BBS7: variants seen among roughly 807,000 people sequenced by gnomAD.
BBS7 encodes the protein Bardet-Biedl syndrome 7.
In BBS7, 50 loss-of-function variants were observed where a neutral mutation model predicts 90.3. The ratio of observed to expected loss-of-function variants is 0.55; its 90% CI spans 0.44 to 0.70. The LOEUF is 0.70. BBS7 is among the 30% of genes least tolerant of loss of function. The pLI, the probability that BBS7 is intolerant of heterozygous loss-of-function variation, is 0.00. For synonymous variants in BBS7, 235 were observed against 287.4 expected (o/e 0.82, Z 1.85); for missense variants, 729 against 838.9 (o/e 0.87, Z 1.62).
At position 121,828,480 on chromosome 4, in the gene BBS7, G is replaced by A. The variant is rs767666142; in HGVS notation, c.1812C>T (p.His604=). The A allele has an allele frequency of 2.5e-6, 4 of 1,613,716 alleles. No homozygotes were observed. The Admixed American group carries it at 5.0e-5, about 20-fold the overall frequency. The change falls in exon 17 of 19, where the codon CAC becomes CAT. Residue 604 remains histidine, a synonymous_variant. Transcript: ENST00000264499. ...GCTTTGGGTGGATTAGCTTTAAAGT[G>A]TGTTTGACTGATACTTCATTTATCT... ...SYEINEVSVK[H]TLKLIHPKLE...
At chr4:121,839,207 A>G (rs1380249899) in intron 13 of BBS7, among the ~76,000 whole-genome samples, 2 of 152,180 alleles carry the variant, frequency 1.3e-5, no homozygotes, top group East Asian at 3.9e-4. Context: ...TTACTTTTAT[A>G]AATGTTTGAA....
At chr4:121,830,349 T>G (rs1444048114) in intron 15 of BBS7, among the ~76,000 whole-genome samples, 1 of 152,082 alleles carries the variant, frequency 6.6e-6, no homozygotes, top group African/African-American at 2.4e-5. Flanking sequence ...TGCAGTGAGC[T>G]GAGATTGAGA....
chr4:121,863,850 A>G (rs1038490228), intron 2 of BBS7, among the ~76,000 whole-genome samples: 1 of 152,212 alleles, frequency 6.6e-6, no homozygotes, highest in African/African-American at 2.4e-5. Flanking sequence ...TAGACAATGA[A>G]TTGTTTTGAA....
At chr4:121,837,729 T>G (rs1282629687) in intron 13 of BBS7, among the ~76,000 whole-genome samples, 2 of 152,174 alleles carry the variant, frequency 1.3e-5, no homozygotes, top group African/African-American at 2.4e-5. Flanking sequence ...ACCTTACTTT[T>G]CTTCTTTTTC....
rs147752059 is a variant in BBS7 at position 121,854,787 on chromosome 4, G to C, written c.635C>G (p.Ser212Ter). 1.9e-6 allele frequency: 3 copies of C among 1,612,574 alleles called. No individual in the cohort carries two copies. Among genetic ancestry groups the C allele is most frequent in the Non-Finnish European group, 2.5e-6 (3 of 1,179,066 alleles). ...DSGEDLLFGT[S>*]DGKLALIQIT... is the part of the protein sequence containing the mutation. ...CTGTATAAGCGCAAGTTTTCCGTCTGATGTCCCAAACAAAAGGTCTTCTCC... is the reference window on the plus strand; with the variant it reads ...CTGTATAAGCGCAAGTTTTCCGTCTCATGTCCCAAACAAAAGGTCTTCTCC... The change falls in exon 7 of 19, where the codon TCA becomes TGA. Residue 212 changes from serine to a stop codon, truncating the protein, a stop_gained. Coordinates refer to ENST00000264499, the MANE Select transcript of BBS7 (RefSeq NM_176824.3). LOFTEE classifies it high-confidence loss of function.
intron 4 of BBS7, 108 bp downstream of exon 4, chr4:121,861,396 A>G (rs1726970078): frequency 9.3e-7 from 1 of 1,071,470 alleles, no homozygotes; most frequent in African/African-American, 1.6e-5. Context: ...CCTTTAGTTA[A>G]TTTTATTTTC....
At chr4:121,843,268 G>C (rs1264707748) in intron 12 of BBS7, among the ~76,000 whole-genome samples, 2 of 152,172 alleles carry the variant, frequency 1.3e-5, no homozygotes, top group Non-Finnish European at 2.9e-5. Flanking sequence ...GAAAGATACA[G>C]TGATGTTCGT....
At chr4:121,836,140 G>A (rs1040804130) in intron 13 of BBS7, among the ~76,000 whole-genome samples, 16 of 152,234 alleles carry the variant, frequency 1.1e-4, no homozygotes, top group African/African-American at 2.9e-4. Context: ...GAATATGACT[G>A]GCCGGATATC....
chr4:121,869,002 T>C (rs1349128205), intron 1 of BBS7, among the ~76,000 whole-genome samples: 2 of 152,156 alleles, frequency 1.3e-5, no homozygotes, highest in Admixed American at 6.5e-5. Flanking sequence ...TAGCAAGTGA[T>C]GTGAAGGATG....
Position 121,845,598 on chromosome 4 carries a change from A to G in BBS7, c.1136T>C (p.Phe379Ser), listed in dbSNP as rs778142384. The G allele has an allele frequency of 6.2e-6, 10 of 1,612,680 alleles. No homozygotes were observed. In the South Asian group the frequency reaches 1.1e-4, roughly 18 times the overall value. The change falls in exon 11 of 19, where the codon TTT becomes TCT. Residue 379 changes from phenylalanine to serine, a missense_variant. By Grantham distance (155) the Phe-to-Ser change is radical (BLOSUM62 -2). Transcript: ENST00000264499. The part of the protein sequence containing the change: ...SSKAKSAVPS[F>S]GINDKFTLNK... ...TAGTGTAAATTTATCATTTATACCA[A>G]AGGAAGGTACTGCTGATTTTGCTTT...
At chr4:121,843,790 C>T (rs1725860957) in intron 12 of BBS7, 137 bp downstream of exon 12, 4 of 670,400 alleles carry the variant, frequency 6.0e-6, no homozygotes, top group Non-Finnish European at 1.0e-5. Flanking sequence ...AGAGAACCGA[C>T]ACAGATTTTG....
chr4:121,847,577 T>C lies in BBS7; in HGVS notation c.935-71A>G, dbSNP rs967548756. The C allele has an allele frequency of 1.5e-5, 16 of 1,072,620 alleles. No individual in the cohort carries two copies. In the Admixed American group the frequency reaches 2.5e-4, roughly 17 times the overall value. 66.4% of individuals were successfully genotyped at this position (1,072,620 alleles called of 1,614,324 possible). ...TTAAAAAGATAAATTATGCATTGTA[T>C]AGCAGAAACTCCAATGTACATGCCC... On this transcript the variant is annotated intron_variant, in intron 9 of 18. Transcript: ENST00000264499.
rs1578518016 is a variant in BBS7 at position 121,825,125 on chromosome 4, T to A, written c.*735A>T. ...CTCCACTGGTTACAGCATGTCTAAT[T>A]AAGATCCCCCGACTCTGTGTAAGCT... On this transcript the variant is annotated 3_prime_UTR_variant, in exon 19 of 19. Coordinates refer to ENST00000264499, the MANE Select transcript of BBS7 (RefSeq NM_176824.3). 7.4e-6 allele frequency: 1 copy of A among 134,338 alleles called. No homozygotes were observed. The highest frequency in any genetic ancestry group is 2.4e-5 in the African/African-American group (1 of 40,978). The allele number at this position is 134,338 out of a possible 1,614,324, so 8.3% of individuals were successfully genotyped here. A position where few individuals can be genotyped will look rare whatever the true frequency, so the allele number is the denominator to read the frequency against.
intron 8 of BBS7, among the ~76,000 whole-genome samples, chr4:121,852,433 G>A (rs1203599741): frequency 6.6e-6 from 1 of 151,804 alleles, no homozygotes; most frequent in Non-Finnish European, 1.5e-5. Context: ...TTTATAGCTT[G>A]GCATAAATGA....
intron 8 of BBS7, among the ~76,000 whole-genome samples, chr4:121,852,332 T>C: frequency 6.6e-6 from 1 of 152,136 alleles, no homozygotes; most frequent in East Asian, 1.9e-4. Context: ...GTGTGTCCTA[T>C]ATTAGGCAGG....
Position 121,870,434 on chromosome 4 carries a change from T to C in BBS7, c.-121A>G. The C allele has an allele frequency of 8.7e-7, 1 of 1,152,530 alleles. No homozygotes were observed. The highest frequency in any genetic ancestry group is 1.3e-6 in the Non-Finnish European group (1 of 777,044). 71.4% of individuals were successfully genotyped at this position (1,152,530 alleles called of 1,614,324 possible). A position where few individuals can be genotyped will look rare whatever the true frequency, so the allele number is the denominator to read the frequency against. On this transcript the variant is annotated 5_prime_UTR_variant, in exon 1 of 19. Coordinates refer to ENST00000264499, the MANE Select transcript of BBS7 (RefSeq NM_176824.3). ...GCGCCCCTCAAAAGCCAGCCCCAGC[T>C]ACCGCGCCTAGGTCCTGGGCTGCAC...
chr4:121,838,891 G>A (rs1340692178), intron 13 of BBS7, among the ~76,000 whole-genome samples: 3 of 136,804 alleles, frequency 2.2e-5, no homozygotes, highest in African/African-American at 2.6e-5. Flanking sequence ...GCACAAGAGC[G>A]AGACTCCATC....
intron 1 of BBS7, among the ~76,000 whole-genome samples, chr4:121,869,891 A>G (rs1727491135): frequency 6.6e-6 from 1 of 152,178 alleles, no homozygotes. Flanking sequence ...GCTCACAGTA[A>G]GAAACAAGTG....
chr4:121,866,565 A>C (rs1727285796), intron 2 of BBS7, among the ~76,000 whole-genome samples: 2 of 152,050 alleles, frequency 1.3e-5, no homozygotes, highest in Admixed American at 6.6e-5. Flanking sequence ...ACACCTGGCC[A>C]CATTTAGGTC....
Sources: allele counts gnomAD v4.1 joint callset (sites outside exome capture counted in the v4.1 genomes callset), GRCh38; gene constraint gnomAD v4.1.1; transcripts MANE v1.5; gene names NCBI Gene and HGNC (gene_info 2026-07-23, HGNC 2026-07-21).